FARSB: variants seen among roughly 807,000 people sequenced by gnomAD.
FARSB encodes phenylalanyl-tRNA synthetase subunit beta, also known as phenylalanine--tRNA ligase beta subunit.
A neutral mutation model predicts 69.6 loss-of-function variants in FARSB; 40 were observed. The observed-to-expected ratio is 0.57, with a 90% CI of 0.45 to 0.75. FARSB has a LOEUF of 0.75. Among genes scored for constraint, FARSB ranks in the 30% least tolerant of loss-of-function variants. The pLI is 0.00. For synonymous variants in FARSB, 235 were observed against 247.2 expected, an observed-to-expected ratio of 0.95 and a Z score of 0.46; for missense variants, 632 against 722.9, an observed-to-expected ratio of 0.87 and a Z score of 1.44.
intron 16 of FARSB, among the ~76,000 whole-genome samples, chr2:222,580,541 T>C (rs1038537016): frequency 6.6e-6 from 1 of 152,046 alleles, no homozygotes; most frequent in African/African-American, 2.4e-5. Context: ...AATGAATCAT[T>C]GTATAGCTCC....
At chr2:222,611,674 A>G (rs888435756) in intron 15 of FARSB, among the ~76,000 whole-genome samples, 2 of 152,222 alleles carry the variant, frequency 1.3e-5, no homozygotes, top group Non-Finnish European at 2.9e-5. Flanking sequence ...CTCTCTCAAT[A>G]GGAAGTCATC....
rs182969669 is a variant in FARSB, at chr2:222,637,552, C to T, written c.455+2028G>A. 3.2e-3 allele frequency among the ~76,000 whole-genome samples: 487 copies of T among 152,300 alleles called. 3 individuals carry two copies. Among genetic ancestry groups the T allele is most frequent in the African/African-American group, 0.011 (453 of 41,558 alleles). ...TGCTCCATGCTCACACAGACTAAAA[C>T]TTCACTGCTCATGTAGCAATGGATA... is the stretch of plus-strand genomic sequence containing the variant. On this transcript the variant is annotated intron_variant, in intron 5 of 16. Transcript: ENST00000281828.
intron 3 of FARSB, among the ~76,000 whole-genome samples, chr2:222,641,519 C>G (rs1196435483): frequency 1.3e-5 from 2 of 152,206 alleles, no homozygotes; most frequent in African/African-American, 4.8e-5. Flanking sequence ...TGTTAAACCA[C>G]AGATTCTGAT....
chr2:222,640,766 A>G, intron 4 of FARSB, 96 bp downstream of exon 4: 1 of 681,422 alleles, frequency 1.5e-6, no homozygotes, highest in African/African-American at 1.9e-5. Flanking sequence ...AAAACAAAAA[A>G]AAAAGAGTAA....
At chr2:222,604,722 A>ATTTTTTTTTTTTTTTTTTTTTTTTTTTT (rs56201038) in intron 15 of FARSB, among the ~76,000 whole-genome samples, 2 of 110,716 alleles carry the variant, frequency 1.8e-5, no homozygotes, top group Non-Finnish European at 1.8e-5. Flanking sequence ...TGCCCACTGA[A>ATTTTTTTTTTTTTTTTTTTTTTTTTTTT]TTTTTTTTTT....
At chr2:222,609,255 G>A (rs1448803614) in intron 15 of FARSB, among the ~76,000 whole-genome samples, 3 of 152,176 alleles carry the variant, frequency 2.0e-5, no homozygotes, top group Non-Finnish European at 4.4e-5. Flanking sequence ...GCTTTTCTGG[G>A]CATAAGGATT....
chr2:222,632,143 T>A lies in FARSB; in HGVS notation c.716-469A>T, dbSNP rs538591689. On this transcript the variant is annotated intron_variant, in intron 7 of 16. Transcript: ENST00000281828. ...CTCTGTCTCAAAAAAATAAAAATAA[T>A]AAAAAAAAAACCTAACATCTTAAGA... 1.5e-3 allele frequency among the ~76,000 whole-genome samples: 217 copies of A among 144,912 alleles called. 1 individual carries two copies. Among genetic ancestry groups the A allele is most frequent in the Admixed American group, 0.013 (189 of 14,792 alleles).
chr2:222,638,190 C>T (rs113940860), intron 5 of FARSB, among the ~76,000 whole-genome samples: 38 of 152,214 alleles, frequency 2.5e-4, no homozygotes, highest in Middle Eastern at 3.4e-3. Context: ...CCTTGAAATA[C>T]GTAAACTTCC....
chr2:222,628,994 C>A (rs1403985443), intron 9 of FARSB, 106 bp from the exon 10 acceptor site: 2 of 756,892 alleles, frequency 2.6e-6, no homozygotes, highest in East Asian at 4.9e-5. Context: ...ACTACAGCCT[C>A]AACATACTCC....
rs552170898 is a variant in FARSB at position 222,593,701 on chromosome 2, C to G, written c.1618+6227G>C. ...ACAGAGAAACTGTCTCTAAAGAAAA[C>G]AAAACAAAACAAAACAAAAATTAGC... is the stretch of plus-strand genomic sequence containing the variant. On this transcript the variant is annotated intron_variant, in intron 16 of 16. Transcript: ENST00000281828. 6.0e-5 allele frequency among the ~76,000 whole-genome samples: 9 copies of G among 150,500 alleles called. No individual in the cohort carries two copies. The South Asian group carries it at 8.4e-4, about 14-fold the overall frequency.
rs1689657618 is a variant in FARSB at position 222,567,871 on chromosome 2, G to A, written c.*4000C>T. On this transcript the variant is annotated 3_prime_UTR_variant, in exon 17 of 17. Transcript: ENST00000281828. ...GGAGCAGTGTTTATAATTGCAAACA[G>A]TTGGAAACAACTGAATGTCCACCAA... is the stretch of plus-strand genomic sequence containing the variant. The A allele has an allele frequency of 6.6e-6, 1 of 152,170 alleles. No individual in the cohort carries two copies. The highest frequency in any genetic ancestry group is 1.5e-5 in the Non-Finnish European group (1 of 68,038). 9.4% of individuals were successfully genotyped at this position (152,170 alleles called of 1,614,324 possible). A position where few individuals can be genotyped will look rare whatever the true frequency, so the allele number is the denominator to read the frequency against.
At chr2:222,628,044 C>G (rs140908136) in intron 10 of FARSB, among the ~76,000 whole-genome samples, 1 of 152,160 alleles carries the variant, frequency 6.6e-6, no homozygotes, top group Admixed American at 6.5e-5. Flanking sequence ...CAAGATCTTA[C>G]GCTTGAAAAT....
intron 14 of FARSB, among the ~76,000 whole-genome samples, chr2:222,618,384 A>G (rs1691051165): frequency 6.6e-6 from 1 of 152,216 alleles, no homozygotes; most frequent in Non-Finnish European, 1.5e-5. Flanking sequence ...ATTTCAAATC[A>G]GAATTCAGAT....
chr2:222,619,909 A>T (rs186482586), intron 13 of FARSB, among the ~76,000 whole-genome samples, 172 bp from the exon 14 acceptor site: 62 of 152,320 alleles, frequency 4.1e-4, no homozygotes, highest in East Asian at 3.3e-3. Context: ...ATAATAATAA[A>T]AAACAAACAA....
At chr2:222,624,682 T>C in intron 11 of FARSB, 32 bp downstream of exon 11, 2 of 1,481,818 alleles carry the variant, frequency 1.3e-6, no homozygotes, top group Middle Eastern at 1.7e-4. Context: ...GTGTACTTTG[T>C]TCTTGAATTA....
At position 222,634,371 on chromosome 2, in the gene FARSB, T is replaced by G; in HGVS notation, c.606+20A>C. On this transcript the variant is annotated intron_variant, in intron 6 of 16. Coordinates refer to ENST00000281828, the MANE Select transcript of FARSB (RefSeq NM_005687.5). Reference sequence around the variant, plus strand: ...TCATGATTTTTGCAAAGCTGCTGCATAATCAAAAAGAATATTTACCTTGTA... The same window carrying G: ...TCATGATTTTTGCAAAGCTGCTGCAGAATCAAAAAGAATATTTACCTTGTA... 1 of 1,509,366 alleles carries G rather than the reference T, an allele frequency of 6.6e-7. No individual in the cohort carries two copies. Among genetic ancestry groups the G allele is most frequent in the Non-Finnish European group, 8.9e-7 (1 of 1,120,612 alleles). 93.5% of individuals were successfully genotyped at this position (1,509,366 alleles called of 1,614,324 possible). A position where few individuals can be genotyped will look rare whatever the true frequency, so the allele number is the denominator to read the frequency against.
At chr2:222,635,692 C>T (rs751215898) in intron 5 of FARSB, among the ~76,000 whole-genome samples, 2 of 152,154 alleles carry the variant, frequency 1.3e-5, no homozygotes, top group Admixed American at 6.5e-5. Flanking sequence ...AACAAAAAAA[C>T]GTAACTCCAG....
At chr2:222,629,519 A>G (rs1002794516) in intron 9 of FARSB, among the ~76,000 whole-genome samples, 8 of 152,154 alleles carry the variant, frequency 5.3e-5, no homozygotes, top group Admixed American at 3.3e-4. Flanking sequence ...CTCAAATCCA[A>G]TGATCCCCAA....
At chr2:222,628,767 C>A in intron 10 of FARSB, 70 bp downstream of exon 10, 1 of 1,058,398 alleles carries the variant, frequency 9.4e-7, no homozygotes, top group Non-Finnish European at 1.5e-6. Context: ...ACAGACAGAA[C>A]ATGAGTGCTC....
Sources: gnomAD v4.1 joint callset for allele counts (sites outside exome capture counted in the v4.1 genomes callset) on GRCh38, gnomAD v4.1.1 for gene constraint, MANE v1.5 for transcripts, NCBI Gene and HGNC (gene_info 2026-07-23, HGNC 2026-07-21) for gene names.